Variants in TUT7 observed in about 807,000 individuals in gnomAD.
The protein encoded by TUT7 is terminal uridylyltransferase 7.
TUT7 carries 33 observed loss-of-function variants against 165.9 expected under a neutral mutation model. That is an observed-to-expected ratio of 0.20 (90% CI 0.15 to 0.27). The LOEUF (loss-of-function observed/expected upper bound fraction) is 0.27. TUT7 is among the 10% of genes least tolerant of loss of function. TUT7 has a pLI of 1.00. For synonymous variants in TUT7, 552 were observed against 608.1 expected (o/e 0.91, Z 1.36); for missense variants, 1,338 against 1,762.3 (o/e 0.76, Z 4.31).
chr9:86,348,059 CT>C, intron 2 of TUT7, among the ~76,000 whole-genome samples: 1 of 152,306 alleles, frequency 6.6e-6, no homozygotes, highest in South Asian at 2.1e-4. Flanking sequence ...AGAAAAGCCC[CT>C]ATTAGTTCAC....
At position 86,318,953 on chromosome 9, in the gene TUT7, T is replaced by C; in HGVS notation, c.3216+5A>G. 1.9e-6 allele frequency: 3 copies of C among 1,608,814 alleles called. No individual in the cohort carries two copies. The highest frequency in any genetic ancestry group is 2.6e-6 in the Non-Finnish European group (3 of 1,176,244). ...GCAAATGGAAGTTTTATGTGGTCACTGTACCTCAGCAGTTTCAAGTCCATT... is the reference window on the plus strand; with the variant it reads ...GCAAATGGAAGTTTTATGTGGTCACCGTACCTCAGCAGTTTCAAGTCCATT... On this transcript the variant is annotated splice_donor_5th_base_variant and intron_variant, in intron 16 of 26. Transcript: ENST00000375963.
chr9:86,318,554 G>A (rs1288216785), intron 16 of TUT7, among the ~76,000 whole-genome samples: 1 of 152,160 alleles, frequency 6.6e-6, no homozygotes, highest in Non-Finnish European at 1.5e-5. Context: ...AAACAAGTTT[G>A]TCTCAAATCC....
intron 26 of TUT7, among the ~76,000 whole-genome samples, chr9:86,293,475 T>G (rs765128643): frequency 6.6e-6 from 1 of 151,740 alleles, no homozygotes; most frequent in Admixed American, 6.6e-5. Flanking sequence ...CAAAGAAAGA[T>G]AGATGAAATC....
chr9:86,321,184 C>T (rs929108757), intron 14 of TUT7, among the ~76,000 whole-genome samples: 1 of 147,680 alleles, frequency 6.8e-6, no homozygotes, highest in African/African-American at 2.5e-5. Flanking sequence ...GAAACCCCAT[C>T]TCTACTAAAA....
At chr9:86,312,219 G>A (rs370434077) in intron 17 of TUT7, among the ~76,000 whole-genome samples, 4 of 150,304 alleles carry the variant, frequency 2.7e-5, no homozygotes, top group African/African-American at 7.3e-5. Flanking sequence ...AGTGAGGAGC[G>A]TCTCTGCCCG....
At chr9:86,328,954 C>A (rs376115425) in intron 10 of TUT7, among the ~76,000 whole-genome samples, 1 of 152,164 alleles carries the variant, frequency 6.6e-6, no homozygotes, top group Non-Finnish European at 1.5e-5. Flanking sequence ...GTAGTATCTG[C>A]TTGTAGCATA....
intron 17 of TUT7, among the ~76,000 whole-genome samples, chr9:86,315,065 G>A (rs1415515177): frequency 6.6e-6 from 1 of 152,156 alleles, no homozygotes; most frequent in Non-Finnish European, 1.5e-5. Flanking sequence ...TAGTTTGGAA[G>A]ATTACCTTAC....
intron 26 of TUT7, among the ~76,000 whole-genome samples, chr9:86,293,143 CAT>C (rs1256480321): frequency 6.6e-6 from 1 of 152,074 alleles, no homozygotes; most frequent in Non-Finnish European, 1.5e-5. Flanking sequence ...ATGGCAAACA[CAT>C]ATAAGTGAGG....
chr9:86,305,146 T>C, intron 23 of TUT7, 46 bp downstream of exon 23: 1 of 1,511,176 alleles, frequency 6.6e-7, no homozygotes. Context: ...TAAAAGTAAA[T>C]ACATAAGTAA....
At chr9:86,325,811 T>C (rs1829735826) in intron 11 of TUT7, among the ~76,000 whole-genome samples, 1 of 152,330 alleles carries the variant, frequency 6.6e-6, no homozygotes, top group Non-Finnish European at 1.5e-5. Flanking sequence ...TAATAACAGG[T>C]GGAGAGGACT....
Position 86,309,522 on chromosome 9 carries a change from G to C in TUT7, c.3523C>G (p.Leu1175Val). ...RGSLSSYAYT[L>V]MVLYFLQQRN... ...TGCTGGAGAAAATATAGCACCATAA[G>C]AGTATATGCATACGATGATAAGCTG... The change falls in exon 20 of 27, where the codon CTT becomes GTT. Residue 1175 changes from leucine (L) to valine (V), a missense_variant. Coordinates refer to ENST00000375963, the MANE Select transcript of TUT7 (RefSeq NM_024617.4). 4 of 1,613,646 alleles carry C rather than the reference G, an allele frequency of 2.5e-6. No homozygotes were observed. Among genetic ancestry groups the C allele is most frequent in the Non-Finnish European group, 2.5e-6 (3 of 1,179,888 alleles).
chr9:86,296,845 A>T (rs913205867), intron 26 of TUT7, among the ~76,000 whole-genome samples: 6 of 152,250 alleles, frequency 3.9e-5, no homozygotes, highest in Non-Finnish European at 8.8e-5. Context: ...GATACAGTTC[A>T]CATTTATAAC....
chr9:86,343,012 T>TA, intron 6 of TUT7, 63 bp downstream of exon 6: 2 of 1,086,574 alleles, frequency 1.8e-6, no homozygotes, highest in South Asian at 2.7e-5. Context: ...ATAGACAGTT[T>TA]ACATTTGTAA....
At chr9:86,338,971 G>C in intron 8 of TUT7, 22 bp from the exon 9 acceptor site, 1 of 1,542,212 alleles carries the variant, frequency 6.5e-7, no homozygotes, top group East Asian at 2.3e-5. Context: ...TGGGGGAGGA[G>C]GATGGGAAAG....
At chr9:86,318,275 G>A (rs1828915972) in intron 16 of TUT7, among the ~76,000 whole-genome samples, 1 of 152,088 alleles carries the variant, frequency 6.6e-6, no homozygotes. Context: ...TGCTTTGCAC[G>A]CCATATGGTC....
chr9:86,309,444 C>T lies in TUT7; in HGVS notation c.3582+19G>A, dbSNP rs752720637. ...TCACCAGTTTTCCAGATAAGAAATACAATTTCATTCACTAATACCTCTTGA... is the reference window on the plus strand; with the variant it reads ...TCACCAGTTTTCCAGATAAGAAATATAATTTCATTCACTAATACCTCTTGA... On this transcript the variant is annotated intron_variant, in intron 20 of 26. Transcript: ENST00000375963. 6.3e-7 allele frequency: 1 copy of T among 1,582,712 alleles called. No individual in the cohort carries two copies. The highest frequency in any genetic ancestry group is 1.1e-5 in the South Asian group (1 of 88,066).
At chr9:86,346,995 C>T (rs887328436) in intron 2 of TUT7, among the ~76,000 whole-genome samples, 1 of 152,134 alleles carries the variant, frequency 6.6e-6, no homozygotes, top group African/African-American at 2.4e-5. Flanking sequence ...CAGAAATCAA[C>T]TATATACTCA....
chr9:86,301,693 T>A (rs1564029342), intron 25 of TUT7, 92 bp from the exon 26 acceptor site: 3 of 1,516,346 alleles, frequency 2.0e-6, no homozygotes, highest in South Asian at 2.7e-5. Flanking sequence ...AATTCTAGAT[T>A]TAAGAGATGA....
In TUT7 at chr9:86,287,828, G is replaced by T. The variant is rs1825651139; in HGVS notation, c.*849C>A. 6.6e-6 allele frequency: 1 copy of T among 152,140 alleles called. No homozygotes were observed. Among genetic ancestry groups the T allele is most frequent in the South Asian group, 2.1e-4 (1 of 4,826 alleles). 9.4% of individuals were successfully genotyped at this position (152,140 alleles called of 1,614,324 possible). Reference sequence around the variant, plus strand: ...TGTCTGCAGGGCTTTTGAAATTAAAGAAACAGTCCAGGAGGGCTCCAGTCA... The same window carrying T: ...TGTCTGCAGGGCTTTTGAAATTAAATAAACAGTCCAGGAGGGCTCCAGTCA... On this transcript the variant is annotated 3_prime_UTR_variant, in exon 27 of 27. Transcript: ENST00000375963.
Sources: gnomAD v4.1 joint callset for allele counts (sites outside exome capture counted in the v4.1 genomes callset) on GRCh38, gnomAD v4.1.1 for gene constraint, MANE v1.5 for transcripts, NCBI Gene and HGNC (gene_info 2026-07-23, HGNC 2026-07-21) for gene names.